The following CEP164 variants were observed in gnomAD, a reference collection of about 807,000 sequenced individuals.
CEP164 encodes the protein centrosomal protein 164.
Under a neutral mutation model 182.7 loss-of-function variants are expected in CEP164, and 162 were observed. The observed-to-expected ratio is 0.89, with a 90% CI of 0.78 to 1.01. The LOEUF (loss-of-function observed/expected upper bound fraction) is 1.01. Among genes scored for constraint, CEP164 ranks in the 50% least tolerant of loss-of-function variants. CEP164 has a pLI of 0.00. For missense variants in CEP164, 1,735 were observed against 1,790.4 expected (o/e 0.97, Z 0.56); for synonymous variants, 661 against 690.0 (o/e 0.96, Z 0.66).
At position 117,392,294 on chromosome 11, in the gene CEP164, G is replaced by A; in HGVS notation, c.2352G>A (p.Lys784=). 1 of 1,610,594 alleles carries A rather than the reference G, an allele frequency of 6.2e-7. No individual in the cohort carries two copies. Among genetic ancestry groups the A allele is most frequent in the East Asian group, 2.2e-5 (1 of 44,860 alleles). The change falls in exon 18 of 33, where the codon AAG becomes AAA. Residue 784 remains lysine (K), a synonymous_variant. Coordinates refer to ENST00000278935, the MANE Select transcript of CEP164 (RefSeq NM_014956.5). ...LERLCSSLEA[K]HREVVSSLQK... is the part of the protein sequence containing the mutation. ...GGCTCTGCTCCTCATTGGAGGCCAA[G>A]CACCGGGAGGTAAGATGCAGCATCC...
intron 7 of CEP164, 82 bp from the exon 8 acceptor site, chr11:117,363,347 C>A: frequency 1.0e-6 from 1 of 978,674 alleles, no homozygotes; most frequent in East Asian, 2.4e-5. Flanking sequence ...TCAGCAGTGC[C>A]CCACTTTTCC....
At chr11:117,321,870 G>GGTTT (rs1555071409) in intron 1 of CEP164, among the ~76,000 whole-genome samples, 9 of 150,140 alleles carry the variant, frequency 6.0e-5, no homozygotes, top group South Asian at 2.1e-4. Context: ...AAATTTTTGG[G>GGTTT]TTTTTTTTTA....
At chr11:117,396,219 G>A (rs1381546042) in intron 25 of CEP164, 39 bp downstream of exon 25, 1 of 1,588,100 alleles carries the variant, frequency 6.3e-7, no homozygotes, top group Non-Finnish European at 8.6e-7. Context: ...GGGGCACCAG[G>A]ATGGTGTGGG....
chr11:117,408,839 G>A, intron 28 of CEP164, 51 bp from the exon 29 acceptor site: 1 of 1,609,830 alleles, frequency 6.2e-7, no homozygotes, highest in Non-Finnish European at 8.5e-7. Context: ...AAAAGGAAGG[G>A]TAGAAAGCAC....
At chr11:117,334,784 CAAAAAA>C (rs5795074) in intron 1 of CEP164, among the ~76,000 whole-genome samples, 1 of 102,984 alleles carries the variant, frequency 9.7e-6, no homozygotes, top group Non-Finnish European at 1.9e-5. Context: ...GACTTCGTTT[CAAAAAA>C]AAAAAAAAAA....
At chr11:117,389,218 C>T (rs2044310190) in intron 15 of CEP164, among the ~76,000 whole-genome samples, 2 of 152,156 alleles carry the variant, frequency 1.3e-5, no homozygotes, top group South Asian at 4.1e-4. Flanking sequence ...TTTGAATTCC[C>T]TGAGCGCACA....
intron 5 of CEP164, among the ~76,000 whole-genome samples, chr11:117,360,615 T>A (rs2040820129): frequency 6.6e-6 from 1 of 152,004 alleles, no homozygotes; most frequent in African/African-American, 2.4e-5. Context: ...TTAAGTGATC[T>A]TCCTACCTTG....
chr11:117,382,187 G>A (rs1370028413), intron 13 of CEP164, among the ~76,000 whole-genome samples: 1 of 152,162 alleles, frequency 6.6e-6, no homozygotes, highest in Non-Finnish European at 1.5e-5. Context: ...CTCCCTGCAA[G>A]GGGCTGGAGC....
chr11:117,336,511 C>G, intron 2 of CEP164: 3 of 1,531,252 alleles, frequency 2.0e-6, no homozygotes, highest in Non-Finnish European at 2.7e-6. Context: ...GGGAGGAGGA[C>G]AGGGGCCTGG....
intron 20 of CEP164, among the ~76,000 whole-genome samples, chr11:117,393,401 C>G (rs1054351783): frequency 1.3e-5 from 2 of 152,196 alleles, no homozygotes; most frequent in Non-Finnish European, 2.9e-5. Flanking sequence ...TTTTATCAGG[C>G]AGGCTGTACT....
At chr11:117,335,202 A>T (rs1464103988) in intron 1 of CEP164, among the ~76,000 whole-genome samples, 1 of 152,194 alleles carries the variant, frequency 6.6e-6, no homozygotes, top group African/African-American at 2.4e-5. Flanking sequence ...CTGTGTGTGT[A>T]GCACAGTGGG....
chr11:117,407,114 A>G (rs1397237111), intron 27 of CEP164, among the ~76,000 whole-genome samples: 1 of 152,006 alleles, frequency 6.6e-6, no homozygotes, highest in Non-Finnish European at 1.5e-5. Context: ...GAGAAAAGAA[A>G]TGGTGTTTCT....
In CEP164 at chr11:117,345,876, G is replaced by A. The variant is rs536037356; in HGVS notation, c.194+1599G>A. On this transcript the variant is annotated intron_variant, in intron 4 of 32. Coordinates refer to ENST00000278935, the MANE Select transcript of CEP164 (RefSeq NM_014956.5). ...CTAATTTTGTATTTTTAGTAGAGAC[G>A]GGGTTTCGCCATGTTGGCCAGGCTG... 2.0e-4 allele frequency among the ~76,000 whole-genome samples: 31 copies of A among 152,218 alleles called. 1 individual carries two copies. The highest frequency in any genetic ancestry group is 6.7e-4 in the African/African-American group (28 of 41,544).
chr11:117,396,058 C>T lies in CEP164; in HGVS notation c.3094C>T (p.Leu1032=). ...SQQLQKHFSS[L]EAEAQKKQHL... ...CACTCATCTTTCCTTCCACAGCAGC[C>T]TGGAGGCTGAAGCTCAAAAGAAGCA... Residue 1032 remains leucine, a synonymous_variant, in exon 25 of 33, where the codon CTG becomes TTG. Transcript: ENST00000278935. 6.2e-7 allele frequency: 1 copy of T among 1,614,132 alleles called. No homozygotes were observed. The highest frequency in any genetic ancestry group is 1.7e-5 in the Admixed American group (1 of 60,026).
Position 117,392,777 on chromosome 11 carries a change from C to G in CEP164, c.2493+150C>G. ...CTAGTTCCCTTTTTATGCCTTAGTTCCCTTGAAGCCAGGTACTCCTCCAAT... is the reference window on the plus strand; with the variant it reads ...CTAGTTCCCTTTTTATGCCTTAGTTGCCTTGAAGCCAGGTACTCCTCCAAT... On this transcript the variant is annotated intron_variant, in intron 19 of 32. Coordinates refer to ENST00000278935, the MANE Select transcript of CEP164 (RefSeq NM_014956.5). 18 of 1,256,190 alleles carry G rather than the reference C, an allele frequency of 1.4e-5. No homozygotes were observed. In the South Asian group the frequency reaches 2.6e-4, roughly 18 times the overall value. 77.8% of individuals were successfully genotyped at this position (1,256,190 alleles called of 1,614,324 possible).
chr11:117,392,506 G>C lies in CEP164; in HGVS notation c.2372G>C (p.Ser791Thr). ...LEAKHREVVSSLQKKIQEAQQ... is the reference protein window; with the variant it reads ...LEAKHREVVSTLQKKIQEAQQ... ...CGGGGGCCTCCTCAGGTGGTCTCCA[G>C]CCTCCAGAAGAAGATACAGGAAGCT... Residue 791 changes from serine to threonine, a missense_variant, in exon 19 of 33, where the codon AGC becomes ACC. By Grantham distance (58) the Ser-to-Thr change is moderately conservative. Coordinates refer to ENST00000278935, the MANE Select transcript of CEP164 (RefSeq NM_014956.5). 1.2e-6 allele frequency: 2 copies of C among 1,613,948 alleles called. No homozygotes were observed. The highest frequency in any genetic ancestry group is 1.7e-6 in the Non-Finnish European group (2 of 1,179,942).
At chr11:117,340,003 G>A (rs1439970980) in intron 3 of CEP164, among the ~76,000 whole-genome samples, 3 of 151,948 alleles carry the variant, frequency 2.0e-5, no homozygotes, top group Non-Finnish European at 4.4e-5. Context: ...TCTAGGGCCT[G>A]TACTTTGTTC....
chr11:117,409,132 C>A lies in CEP164; in HGVS notation c.3748+104C>A. On this transcript the variant is annotated intron_variant, in intron 29 of 32. Coordinates refer to ENST00000278935, the MANE Select transcript of CEP164 (RefSeq NM_014956.5). This position sits in a 1 kb window ranked among gnomAD's most constrained non-coding sequence, Gnocchi z 4.4. ...TTCCCTCAGCCCTGCAGAGGGAGGCCTCTGTGAGCCGGTGTCTGGACTAGG... is the reference window on the plus strand; with the variant it reads ...TTCCCTCAGCCCTGCAGAGGGAGGCATCTGTGAGCCGGTGTCTGGACTAGG... 1 of 1,442,972 alleles carries A rather than the reference C, an allele frequency of 6.9e-7. No individual in the cohort carries two copies. The highest frequency in any genetic ancestry group is 9.4e-7 in the Non-Finnish European group (1 of 1,059,630). 89.4% of individuals were successfully genotyped at this position (1,442,972 alleles called of 1,614,324 possible). A position where few individuals can be genotyped will look rare whatever the true frequency, so the allele number is the denominator to read the frequency against.
intron 9 of CEP164, among the ~76,000 whole-genome samples, chr11:117,372,472 C>T (rs2042314345): frequency 6.6e-6 from 1 of 151,394 alleles, no homozygotes; most frequent in Non-Finnish European, 1.5e-5. Context: ...GGCTGGAGTG[C>T]AGTGGTGCGA....
Sources: allele counts gnomAD v4.1 joint callset (sites outside exome capture counted in the v4.1 genomes callset), GRCh38; gene constraint gnomAD v4.1.1; non-coding constraint Gnocchi (gnomAD v3.1); transcripts MANE v1.5; gene names NCBI Gene and HGNC (gene_info 2026-07-23, HGNC 2026-07-21).